The following CNTN4 variants were observed in gnomAD, a reference collection of about 807,000 sequenced individuals.
CNTN4 encodes the protein contactin 4, also known as contactin-4.
CNTN4 carries 77 observed loss-of-function variants against 122.5 expected under a neutral mutation model. The ratio of observed to expected loss-of-function variants is 0.63; its 90% CI spans 0.52 to 0.76. The LOEUF is 0.76. Among genes scored for constraint, CNTN4 ranks in the 30% least tolerant of loss-of-function variants. CNTN4 has a pLI of 0.00. For synonymous variants in CNTN4, 512 were observed against 447.0 expected, an observed-to-expected ratio of 1.15 and a Z score of -1.83; for missense variants, 1,256 against 1,259.1, an observed-to-expected ratio of 1.00 and a Z score of 0.04.
chr3:2,367,528 T>A (rs2045439773), intron 3 of CNTN4, among the ~76,000 whole-genome samples: 1 of 152,252 alleles, frequency 6.6e-6, no homozygotes, highest in Non-Finnish European at 1.5e-5. Context: ...GTCTTTTTTT[T>A]ATTTTTATTT....
intron 20 of CNTN4, chr3:3,040,523 C>G (rs1161257512): frequency 5.6e-6 from 3 of 533,942 alleles, no homozygotes; most frequent in Non-Finnish European, 1.0e-5. Context: ...ATTGCAAATA[C>G]CATATAAGAT....
chr3:2,361,829 C>A (rs2045155904), intron 3 of CNTN4, among the ~76,000 whole-genome samples: 1 of 152,124 alleles, frequency 6.6e-6, no homozygotes, highest in Non-Finnish European at 1.5e-5. Context: ...TGTGAGGGAG[C>A]AGGATAGACA....
intron 2 of CNTN4, among the ~76,000 whole-genome samples, chr3:2,165,720 A>G (rs540293787): frequency 5.9e-5 from 9 of 151,506 alleles, no homozygotes; most frequent in African/African-American, 1.7e-4. Flanking sequence ...GGTAACCACC[A>G]TTCTATTTTC....
chr3:2,971,322 A>T (rs1846454), intron 13 of CNTN4, among the ~76,000 whole-genome samples: 53,594 of 151,696 alleles, frequency 0.35, 12,732 homozygotes, highest in African/African-American at 0.69. Flanking sequence ...ATATCTATCT[A>T]TCTATATCTA....
intron 3 of CNTN4, among the ~76,000 whole-genome samples, chr3:2,565,193 C>T (rs2079105118): frequency 1.3e-5 from 2 of 152,118 alleles, no homozygotes; most frequent in African/African-American, 4.8e-5. Flanking sequence ...ATAGATGTAG[C>T]TTCCCGAATA....
intron 4 of CNTN4, among the ~76,000 whole-genome samples, chr3:2,626,478 CAG>C (rs2082192668): frequency 7.0e-6 from 1 of 143,410 alleles, no homozygotes; most frequent in Admixed American, 7.8e-5. Flanking sequence ...GCCTGGGCGA[CAG>C]AGCAAGACTC....
At chr3:2,311,131 G>T (rs1243784365) in intron 2 of CNTN4, among the ~76,000 whole-genome samples, 1 of 151,942 alleles carries the variant, frequency 6.6e-6, no homozygotes, top group Admixed American at 6.6e-5. Context: ...TGTCTTATTG[G>T]ATCTGACAAA....
At chr3:2,600,425 C>T (rs1311290087) in intron 4 of CNTN4, among the ~76,000 whole-genome samples, 1 of 152,042 alleles carries the variant, frequency 6.6e-6, no homozygotes, top group African/African-American at 2.4e-5. Context: ...TGTTCAATTC[C>T]CACCTATGAG....
intron 6 of CNTN4, among the ~76,000 whole-genome samples, chr3:2,811,253 C>T (rs182117762): frequency 5.8e-4 from 88 of 150,894 alleles, no homozygotes; most frequent in African/African-American, 2.0e-3. Context: ...ACTAAAAATA[C>T]AAAAATTAGC....
chr3:2,656,201 T>C (rs2083584542), intron 4 of CNTN4, among the ~76,000 whole-genome samples: 1 of 152,220 alleles, frequency 6.6e-6, no homozygotes, highest in African/African-American at 2.4e-5. Flanking sequence ...TAATCTCATT[T>C]CGCTGCATGA....
chr3:2,281,485 C>T (rs960574868), intron 2 of CNTN4, among the ~76,000 whole-genome samples: 4 of 152,076 alleles, frequency 2.6e-5, no homozygotes, highest in African/African-American at 9.7e-5. Context: ...TCAGTTCTGT[C>T]TACTGCACGT....
intron 4 of CNTN4, among the ~76,000 whole-genome samples, chr3:2,699,064 A>ACCTGTC (rs1559400855): frequency 6.6e-6 from 1 of 152,026 alleles, no homozygotes; most frequent in Non-Finnish European, 1.5e-5. Context: ...TTGTTAGTAT[A>ACCTGTC]CCTGTCCCAG....
chr3:2,352,463 G>A lies in CNTN4; in HGVS notation c.-89+13230G>A, dbSNP rs552323940. ...CAGCTGGAGTTCCGGGTAGGTGCAG[G>A]CTCCACGGGCCCCACACTCAGAGTG... On this transcript the variant is annotated intron_variant, in intron 3 of 24. Transcript: ENST00000418658. Among the ~76,000 whole-genome samples, 12 of 152,298 alleles carry A rather than the reference G, an allele frequency of 7.9e-5. 1 individual carries two copies. In the South Asian group the frequency reaches 2.5e-3, roughly 32 times the overall value.
chr3:2,403,322 G>A (rs1423727754), intron 3 of CNTN4, among the ~76,000 whole-genome samples: 2 of 151,974 alleles, frequency 1.3e-5, no homozygotes, highest in Non-Finnish European at 2.9e-5. Flanking sequence ...TGAGAGTTAG[G>A]ACTTCAATAT....
chr3:2,935,336 A>C (rs2094558481), intron 13 of CNTN4, among the ~76,000 whole-genome samples: 1 of 152,146 alleles, frequency 6.6e-6, no homozygotes, highest in Non-Finnish European at 1.5e-5. Flanking sequence ...GTAACATTTG[A>C]TTTTCAAAAA....
rs771502770 is a variant in CNTN4 at position 2,567,034 on chromosome 3, T to A, written c.-88-4382T>A. ...AAATCTTTTTAGGTCTTTCCCTTCT[T>A]GAAAGTCATTCTCACCCTCCTCGTA... is the stretch of plus-strand genomic sequence containing the variant. On this transcript the variant is annotated intron_variant, in intron 3 of 24. Transcript: ENST00000418658. Among the ~76,000 whole-genome samples, 5 of 152,238 alleles carry A rather than the reference T, an allele frequency of 3.3e-5. No individual in the cohort carries two copies. The East Asian group carries it at 9.6e-4, about 29-fold the overall frequency.
At chr3:2,975,206 A>G (rs941914811) in intron 13 of CNTN4, among the ~76,000 whole-genome samples, 5 of 152,102 alleles carry the variant, frequency 3.3e-5, no homozygotes, top group Non-Finnish European at 7.4e-5. Context: ...AAAAAAAAAG[A>G]ACTATTTAAT....
chr3:2,616,124 G>A (rs75837285), intron 4 of CNTN4, among the ~76,000 whole-genome samples: 30 of 150,854 alleles, frequency 2.0e-4, no homozygotes, highest in Non-Finnish European at 3.1e-4. Context: ...CTATTGATCC[G>A]TCATCTAGCT....
chr3:2,811,495 C>T (rs903647836), intron 6 of CNTN4, among the ~76,000 whole-genome samples: 1 of 150,948 alleles, frequency 6.6e-6, no homozygotes, highest in African/African-American at 2.4e-5. Context: ...GAGTCTCGCT[C>T]TGTCGCCCAG....
Sources: gnomAD v4.1 joint callset for allele counts (sites outside exome capture counted in the v4.1 genomes callset) on GRCh38, gnomAD v4.1.1 for gene constraint, MANE v1.5 for transcripts, NCBI Gene and HGNC (gene_info 2026-07-23, HGNC 2026-07-21) for gene names.